The following NTRK2 variants were observed in gnomAD, a reference collection of about 807,000 sequenced individuals.
The protein encoded by NTRK2 is neurotrophic receptor tyrosine kinase 2.
Under a neutral mutation model 94.5 loss-of-function variants are expected in NTRK2, and 13 were observed. The observed-to-expected ratio is 0.14, with a 90% confidence interval of 0.09 to 0.22. The LOEUF is 0.22. Ranked by LOEUF, NTRK2 falls within the 10% of genes least tolerant of loss-of-function variation. NTRK2 has a pLI of 1.00. For missense variants in NTRK2, 639 were observed against 1,071.2 expected (o/e 0.60, Z 5.63); for synonymous variants, 372 against 407.4 (o/e 0.91, Z 1.05).
At chr9:84,952,821 G>T (rs1823650016) in intron 16 of NTRK2, among the ~76,000 whole-genome samples, 1 of 152,142 alleles carries the variant, frequency 6.6e-6, no homozygotes, top group Non-Finnish European at 1.5e-5. Context: ...GCAGAGTGTG[G>T]GGTTGGAGGA....
intron 17 of NTRK2, among the ~76,000 whole-genome samples, chr9:84,981,183 C>T (rs781517602): frequency 9.2e-5 from 14 of 152,140 alleles, no homozygotes; most frequent in African/African-American, 2.7e-4. Context: ...TGGGTTCAAG[C>T]GATTCTCCTG....
chr9:84,942,808 C>T (rs1034102433), intron 15 of NTRK2, among the ~76,000 whole-genome samples: 1 of 151,860 alleles, frequency 6.6e-6, no homozygotes, highest in Non-Finnish European at 1.5e-5. Context: ...TCAATTTGGA[C>T]TTGCCAAATT....
At chr9:84,743,818 A>G (rs1228302211) in intron 10 of NTRK2, among the ~76,000 whole-genome samples, 1 of 152,196 alleles carries the variant, frequency 6.6e-6, no homozygotes, top group Admixed American at 6.5e-5. Flanking sequence ...AATGATATCC[A>G]TTAGTGTTTA....
At chr9:84,804,647 G>A (rs534534640) in intron 12 of NTRK2, among the ~76,000 whole-genome samples, 61 of 152,286 alleles carry the variant, frequency 4.0e-4, no homozygotes, top group African/African-American at 1.4e-3. Context: ...GTATTTTGAC[G>A]AAAATAAATT....
At chr9:84,797,979 C>T (rs1262992545) in intron 12 of NTRK2, among the ~76,000 whole-genome samples, 1 of 146,330 alleles carries the variant, frequency 6.8e-6, no homozygotes, top group Non-Finnish European at 1.5e-5. Flanking sequence ...GTTCAGGACT[C>T]CTGGGTATGA....
intron 2 of NTRK2, among the ~76,000 whole-genome samples, chr9:84,685,835 C>A (rs1192938704): frequency 6.6e-6 from 1 of 152,204 alleles, no homozygotes; most frequent in African/African-American, 2.4e-5. Context: ...TGTTTCACAT[C>A]GCAGCGTAGG....
chr9:84,929,702 C>G (rs1320652212), intron 14 of NTRK2, among the ~76,000 whole-genome samples: 1 of 152,080 alleles, frequency 6.6e-6, no homozygotes, highest in Non-Finnish European at 1.5e-5. Context: ...GCTGGGATTA[C>G]AGGTGCATGC....
At chr9:84,983,404 C>T (rs1300684727) in intron 17 of NTRK2, among the ~76,000 whole-genome samples, 1 of 152,188 alleles carries the variant, frequency 6.6e-6, no homozygotes, top group Non-Finnish European at 1.5e-5. Context: ...CTGGGGCCTT[C>T]CTCTTTGGGA....
At chr9:84,815,418 CAA>C (rs2072290198) in intron 12 of NTRK2, 3 of 1,043,632 alleles carry the variant, frequency 2.9e-6, no homozygotes, top group Non-Finnish European at 3.5e-6. Flanking sequence ...TACAAAGTAA[CAA>C]GAGATTCCTA....
At chr9:84,992,936 T>TTA (rs35011356) in intron 17 of NTRK2, among the ~76,000 whole-genome samples, 18,309 of 148,772 alleles carry the variant, frequency 0.12, 1,283 homozygotes, top group Admixed American at 0.17. Context: ...ATTTAATGTA[T>TTA]TATATATATA....
rs2118014381 is a variant in NTRK2 at position 85,021,372 on chromosome 9, G to A, written c.2452G>A (p.Gly818Ser). ...REPHMRKNIK[G>S]IHTLLQNLAK... ...GCCCCACATGAGGAAGAACATCAAG[G>A]GCATCCATACCCTCCTTCAGAACTT... The change falls in exon 19 of 19, where the codon GGC becomes AGC. Residue 818 changes from glycine (G) to serine (S), a missense_variant. Physicochemically the swap from Gly to Ser is moderately conservative, Grantham distance 56. This residue lies in a region of NTRK2 where 77 missense variants were observed against 203.6 expected (regional missense o/e 0.38). Coordinates refer to ENST00000277120, the MANE Select transcript of NTRK2 (RefSeq NM_006180.6). 1 of 1,614,128 alleles carries A rather than the reference G, an allele frequency of 6.2e-7. No homozygotes were observed.
chr9:84,913,401 C>T (rs1248816457), intron 14 of NTRK2, among the ~76,000 whole-genome samples: 1 of 152,132 alleles, frequency 6.6e-6, no homozygotes, highest in African/African-American at 2.4e-5. Flanking sequence ...ATTTCTTCTA[C>T]ATACATTAAA....
At position 84,723,590 on chromosome 9, in the gene NTRK2, C is replaced by G; in HGVS notation, c.601C>G (p.Leu201Val). 1.2e-6 allele frequency: 2 copies of G among 1,614,134 alleles called. No individual in the cohort carries two copies. The highest frequency in any genetic ancestry group is 1.7e-6 in the Non-Finnish European group (2 of 1,179,958). ...IPNCGLPSANLAAPNLTVEEG... is the reference protein window; with the variant it reads ...IPNCGLPSANVAAPNLTVEEG... The stretch of plus-strand genomic sequence containing the variant: ...TTCCATAGGTTTGCCATCTGCAAAT[C>G]TGGCCGCACCTAACCTCACTGTGGA... The change falls in exon 7 of 19, where the codon CTG (leucine) becomes GTG (valine). Residue 201 changes from leucine (L) to valine (V), a missense_variant. Leu to Val is a conservative substitution (Grantham distance 32). Around this residue, in one of 5 missense-constraint regions of NTRK2, gnomAD observed 206 missense variants for 251.5 expected, o/e 0.82. Coordinates refer to ENST00000277120, the MANE Select transcript of NTRK2 (RefSeq NM_006180.6).
chr9:84,779,804 C>T (rs1308080658), intron 12 of NTRK2, among the ~76,000 whole-genome samples: 10 of 152,178 alleles, frequency 6.6e-5, no homozygotes, highest in South Asian at 2.1e-4. Context: ...CTTTTCTCAA[C>T]GTGTCAGATC....
chr9:84,966,067 T>C (rs79836430), intron 17 of NTRK2, among the ~76,000 whole-genome samples: 4 of 152,230 alleles, frequency 2.6e-5, no homozygotes, highest in African/African-American at 9.6e-5. Flanking sequence ...CACAGTCATG[T>C]TGCCTGAGGG....
intron 14 of NTRK2, among the ~76,000 whole-genome samples, chr9:84,927,298 C>T (rs1236697453): frequency 6.6e-6 from 1 of 152,132 alleles, no homozygotes; most frequent in Admixed American, 6.5e-5. Flanking sequence ...CTCTTGACTT[C>T]AGTTATTATT....
rs182427304 is a variant in NTRK2 at position 84,960,494 on chromosome 9, A to G, written c.2172+4977A>G. Reference sequence around the variant, plus strand: ...GTGTTTATTTTTAAGAAATATTTTTATGTAATGTGAATATTTTGAGATAGG... The same window carrying G: ...GTGTTTATTTTTAAGAAATATTTTTGTGTAATGTGAATATTTTGAGATAGG... On this transcript the variant is annotated intron_variant, in intron 17 of 18. Transcript: ENST00000277120. Among the ~76,000 whole-genome samples the G allele has an allele frequency of 2.0e-5, 3 of 152,342 alleles. 1 individual carries two copies. The highest frequency in any genetic ancestry group is 2.0e-4 in the Admixed American group (3 of 15,306).
rs201140756 is a variant in NTRK2, at chr9:84,955,445, C to G, written c.2100C>G (p.Val700=). The G allele has an allele frequency of 1.2e-6, 2 of 1,614,216 alleles. No individual in the cohort carries two copies. Among genetic ancestry groups the G allele is most frequent in the Admixed American group, 1.7e-5 (1 of 60,034 alleles). ...HRDLATRNCL[V]GENLLVKIGD... is the part of the protein sequence containing the mutation. The stretch of plus-strand genomic sequence containing the variant: ...ATTTGGCCACCAGGAACTGCCTGGT[C>G]GGGGAGAACTTGCTGGTGAAAATCG... Residue 700 remains valine (V), a synonymous_variant, in exon 17 of 19, where the codon GTC becomes GTG. Transcript: ENST00000277120.
intron 12 of NTRK2, among the ~76,000 whole-genome samples, chr9:84,838,588 A>G (rs2074005632): frequency 6.6e-6 from 1 of 152,162 alleles, no homozygotes; most frequent in Non-Finnish European, 1.5e-5. Context: ...CGCATTTTCC[A>G]AATTTTCTAC....
Sources: allele counts gnomAD v4.1 joint callset (sites outside exome capture counted in the v4.1 genomes callset), GRCh38; gene constraint gnomAD v4.1.1; regional missense constraint gnomAD v4.1.1; transcripts MANE v1.5; gene names NCBI Gene and HGNC (gene_info 2026-07-23, HGNC 2026-07-21).